MARK4: variants seen among roughly 807,000 people sequenced by gnomAD.
The protein encoded by MARK4 is microtubule affinity regulating kinase 4.
In MARK4, 19 loss-of-function variants were observed where a neutral mutation model predicts 81.5. That is an observed-to-expected ratio of 0.23 (90% CI 0.16 to 0.34). The LOEUF is 0.34. MARK4 is among the 10% of genes least tolerant of loss of function. The pLI is 1.00. For synonymous variants in MARK4, 436 were observed against 439.0 expected (o/e 0.99, Z 0.08); for missense variants, 772 against 1,058.8 (o/e 0.73, Z 3.76).
At chr19:45,260,697 A>AAAAT (rs71173135) in intron 2 of MARK4, among the ~76,000 whole-genome samples, 33 of 151,188 alleles carry the variant, frequency 2.2e-4, no homozygotes, top group East Asian at 9.6e-4. Flanking sequence ...ACCATCTCAA[A>AAAAT]AAATAAATAA....
At chr19:45,290,121 G>C (rs995832855) in intron 13 of MARK4, among the ~76,000 whole-genome samples, 1 of 152,218 alleles carries the variant, frequency 6.6e-6, no homozygotes, top group Non-Finnish European at 1.5e-5. Flanking sequence ...AAACAAAAAA[G>C]TTTTTAAATA....
At chr19:45,280,174 C>G (rs1970652315) in intron 10 of MARK4, 200 bp from the exon 11 acceptor site, 2 of 538,626 alleles carry the variant, frequency 3.7e-6, no homozygotes, top group East Asian at 6.6e-5. Flanking sequence ...CATAGCAAAA[C>G]CCTGTCTCTA....
At chr19:45,301,297 C>T (rs1351623044) in intron 16 of MARK4, among the ~76,000 whole-genome samples, 1 of 152,172 alleles carries the variant, frequency 6.6e-6, no homozygotes, top group Non-Finnish European at 1.5e-5. Flanking sequence ...GGCACTGTGG[C>T]TCTCGCCTGT....
chr19:45,272,915 A>G (rs1008558641), intron 8 of MARK4, among the ~76,000 whole-genome samples: 3 of 152,160 alleles, frequency 2.0e-5, no homozygotes, highest in Non-Finnish European at 2.9e-5. Flanking sequence ...AATTGAATGT[A>G]GTAATGATTG....
intron 2 of MARK4, among the ~76,000 whole-genome samples, chr19:45,259,412 G>C (rs1599778522): frequency 6.6e-6 from 1 of 152,302 alleles, no homozygotes; most frequent in South Asian, 2.1e-4. Flanking sequence ...GGAAATCTCA[G>C]ATCACAGGCA....
At chr19:45,264,357 C>T (rs541194870) in intron 4 of MARK4, among the ~76,000 whole-genome samples, 22 of 151,940 alleles carry the variant, frequency 1.4e-4, no homozygotes, top group African/African-American at 4.3e-4. Flanking sequence ...CAAAATTAGC[C>T]GGATATGGTG....
chr19:45,266,009 C>T (rs1047409803), intron 6 of MARK4, among the ~76,000 whole-genome samples: 5 of 151,944 alleles, frequency 3.3e-5, no homozygotes, highest in African/African-American at 4.8e-5. Flanking sequence ...GCCTTGGTTC[C>T]GACATCCCTG....
chr19:45,292,347 A>G lies in MARK4; in HGVS notation c.1495-2002A>G, dbSNP rs557624529. ...TGAAGCCACGTAGAGTTTGAATTACATTAATGAGCCGTGTGACCTTGGGCA... is the reference window on the plus strand; with the variant it reads ...TGAAGCCACGTAGAGTTTGAATTACGTTAATGAGCCGTGTGACCTTGGGCA... On this transcript the variant is annotated intron_variant, in intron 13 of 16. Coordinates refer to ENST00000262891, the MANE Select transcript of MARK4 (RefSeq NM_001199867.2). Among the ~76,000 whole-genome samples, 5 of 152,324 alleles carry G rather than the reference A, an allele frequency of 3.3e-5. No individual in the cohort carries two copies. The South Asian group carries it at 1.0e-3, about 32-fold the overall frequency.
intron 6 of MARK4, among the ~76,000 whole-genome samples, chr19:45,265,444 A>C (rs942737281): frequency 3.3e-5 from 5 of 151,234 alleles, no homozygotes; most frequent in Non-Finnish European, 7.4e-5. Flanking sequence ...GAGTGCCCAG[A>C]TGTATGGGTT....
intron 8 of MARK4, among the ~76,000 whole-genome samples, chr19:45,276,647 A>C (rs1220109602): frequency 7.8e-6 from 1 of 128,394 alleles, no homozygotes; most frequent in Non-Finnish European, 1.6e-5. Context: ...TTTTTTTGAG[A>C]TGGAGTCTTG....
At chr19:45,289,026 C>T (rs1970787082) in intron 13 of MARK4, among the ~76,000 whole-genome samples, 1 of 152,088 alleles carries the variant, frequency 6.6e-6, no homozygotes, top group Non-Finnish European at 1.5e-5. Context: ...TACTACCAGT[C>T]AAGTCCCAGC....
At chr19:45,251,891 C>A (rs957736214) in intron 1 of MARK4, among the ~76,000 whole-genome samples, 15 of 152,116 alleles carry the variant, frequency 9.9e-5, no homozygotes, top group African/African-American at 3.6e-4. Context: ...CCGCTCGGGT[C>A]TGTTCCCTCC....
rs574059716 is a variant in MARK4 at position 45,287,750 on chromosome 19, G to T, written c.1494+86G>T. On this transcript the variant is annotated intron_variant, in intron 13 of 16. Coordinates refer to ENST00000262891, the MANE Select transcript of MARK4 (RefSeq NM_001199867.2). ...CCTGCCTTCATCTCATTCCCCAGAC[G>T]GAACTCCTTCTTACCAACTCCTTCT... 1,020 of 1,438,518 alleles carry T rather than the reference G, an allele frequency of 7.1e-4. 6 individuals carry two copies. In the African/African-American group the frequency reaches 0.012, roughly 17 times the overall value. The allele number at this position is 1,438,518 out of a possible 1,614,324, so 89.1% of individuals were successfully genotyped here.
In MARK4 at chr19:45,297,750, G is replaced by A. The variant is rs746305472; in HGVS notation, c.1673G>A (p.Arg558His). 5.5e-5 allele frequency: 87 copies of A among 1,577,950 alleles called. No individual in the cohort carries two copies. The highest frequency in any genetic ancestry group is 5.5e-5 in the Non-Finnish European group (64 of 1,165,760). Residue 558 changes from arginine to histidine, a missense_variant, in exon 15 of 17, where the codon CGC becomes CAC. By Grantham distance (29) the Arg-to-His change is conservative. Coordinates refer to ENST00000262891, the MANE Select transcript of MARK4 (RefSeq NM_001199867.2). ...SLAPPSGERS[R>H]LARGSTIRST... ...GCACCCCCATCAGGGGAGCGGAGCC[G>A]CCTGGCACGTGGTTCCACCATCCGC...
At position 45,271,743 on chromosome 19, in the gene MARK4, C is replaced by T; in HGVS notation, c.786+35C>T. 3.8e-6 allele frequency: 6 copies of T among 1,593,892 alleles called. No homozygotes were observed. The highest frequency in any genetic ancestry group is 5.1e-6 in the Non-Finnish European group (6 of 1,165,926). On this transcript the variant is annotated intron_variant, in intron 8 of 16. Coordinates refer to ENST00000262891, the MANE Select transcript of MARK4 (RefSeq NM_001199867.2). The surrounding 1 kb of genome is among the most constrained non-coding windows in gnomAD (Gnocchi z 4.1). The stretch of plus-strand genomic sequence containing the variant: ...GGGGCTGGGTGCAGGGGCATCAGCC[C>T]CTCCCCACAGTCAGGCCCCTATCCC...
At chr19:45,264,945 G>T in intron 6 of MARK4, 35 bp downstream of exon 6, 2 of 1,608,366 alleles carry the variant, frequency 1.2e-6, no homozygotes, top group African/African-American at 1.3e-5. Context: ...CTGACTGGGT[G>T]CCTGGGTCCC....
chr19:45,304,020 CTAA>C lies in MARK4; in HGVS notation c.*1315_*1317del, dbSNP rs1971016661. 6.6e-6 allele frequency: 1 copy of C among 152,228 alleles called. No individual in the cohort carries two copies. The highest frequency in any genetic ancestry group is 1.5e-5 in the Non-Finnish European group (1 of 68,056). 9.4% of individuals were successfully genotyped at this position (152,228 alleles called of 1,614,324 possible). On this transcript the variant is annotated 3_prime_UTR_variant, in exon 17 of 17. Transcript: ENST00000262891. ...CAGCAAGAGAAATGCTGTATTAGGA[CTAA>C]TAATCCATCTACGCTGCTTAAGCAA... is the stretch of plus-strand genomic sequence containing the variant.
chr19:45,274,912 C>T (rs1970579218), intron 8 of MARK4, among the ~76,000 whole-genome samples: 1 of 152,134 alleles, frequency 6.6e-6, no homozygotes, highest in Non-Finnish European at 1.5e-5. Flanking sequence ...TTCTGAGTGA[C>T]CTTGGACATG....
intron 8 of MARK4, among the ~76,000 whole-genome samples, chr19:45,276,250 C>T (rs186755047): frequency 9.7e-4 from 148 of 152,244 alleles, no homozygotes; most frequent in African/African-American, 3.5e-3. Context: ...TGGTCTCAAA[C>T]TCACGGGCTC....
Sources: gnomAD v4.1 joint callset for allele counts (sites outside exome capture counted in the v4.1 genomes callset) on GRCh38, gnomAD v4.1.1 for gene constraint, Gnocchi (gnomAD v3.1) non-coding constraint, MANE v1.5 for transcripts, NCBI Gene and HGNC (gene_info 2026-07-23, HGNC 2026-07-21) for gene names.